Variants in TEX36 observed in about 807,000 individuals in gnomAD.
The protein encoded by TEX36 is testis-expressed protein 36.
A neutral mutation model predicts 13.6 loss-of-function variants in TEX36; 12 were observed. That is an observed-to-expected ratio of 0.88 (90% CI 0.56 to 1.43). TEX36 has a LOEUF of 1.43. Ranked by LOEUF, TEX36 falls within the 40% of genes most tolerant of loss-of-function variation. The pLI is 0.00. For missense variants in TEX36, 224 were observed against 228.3 expected (o/e 0.98, Z 0.12); for synonymous variants, 93 against 83.0 (o/e 1.12, Z -0.65).
At chr10:125,576,562 C>T (rs1333472650) in exon 4 of TEX36, 1 of 786,204 alleles carries the variant, frequency 1.3e-6, no homozygotes, top group African/African-American at 1.7e-5. Context: ...TACCTGCGCC[C>T]ACACAGGCAA....
chr10:125,617,133 T>G (rs1846370911), downstream of TEX36, among the ~76,000 whole-genome samples: 1 of 151,762 alleles, frequency 6.6e-6, no homozygotes, highest in Non-Finnish European at 1.5e-5. Context: ...GTTTTCCATT[T>G]GCTTGGTAGA....
chr10:125,664,990 T>C (rs9422920), intron 1 of TEX36, among the ~76,000 whole-genome samples: 2,630 of 152,328 alleles, frequency 0.017, 73 homozygotes, highest in African/African-American at 0.059. Context: ...CCTTTCCATA[T>C]ACCTGTTTGC....
intron 3 of TEX36, among the ~76,000 whole-genome samples, chr10:125,582,081 G>A (rs145971609): frequency 8.1e-4 from 124 of 152,316 alleles, no homozygotes; most frequent in Middle Eastern, 3.4e-3. Context: ...TGGAGGAAGC[G>A]AATCTGAGTG....
chr10:125,616,336 G>A (rs1209528245), intron 3 of TEX36, among the ~76,000 whole-genome samples: 113 of 148,412 alleles, frequency 7.6e-4, no homozygotes, highest in Non-Finnish European at 1.3e-3. Flanking sequence ...GCTTTTGAAT[G>A]TGTTTGCTCT....
At chr10:125,632,897 G>A (rs147832255) in intron 3 of TEX36, among the ~76,000 whole-genome samples, 50 of 152,294 alleles carry the variant, frequency 3.3e-4, no homozygotes, top group African/African-American at 1.0e-3. Context: ...GCCAAGGCAG[G>A]TGGATCATTT....
downstream of TEX36, among the ~76,000 whole-genome samples, chr10:125,651,660 G>C (rs965201845): frequency 2.0e-5 from 3 of 151,494 alleles, no homozygotes; most frequent in Non-Finnish European, 4.4e-5. Context: ...AATCGGGCAG[G>C]AGAAAGACAT....
At chr10:125,601,070 G>A (rs1589749061) in intron 3 of TEX36, among the ~76,000 whole-genome samples, 1 of 152,198 alleles carries the variant, frequency 6.6e-6, no homozygotes, top group Non-Finnish European at 1.5e-5. Flanking sequence ...TTGCTCTCTG[G>A]TTGAAATAGA....
chr10:125,679,139 C>A (rs1028729500), intron 1 of TEX36, among the ~76,000 whole-genome samples: 10 of 127,012 alleles, frequency 7.9e-5, no homozygotes, highest in Non-Finnish European at 1.3e-4. Flanking sequence ...TACAGGAGCA[C>A]CCCCCCCGCC....
intron 3 of TEX36, among the ~76,000 whole-genome samples, chr10:125,598,241 G>A (rs1047198289): frequency 1.3e-5 from 2 of 152,196 alleles, no homozygotes; most frequent in African/African-American, 2.4e-5. Context: ...ATGCACATTT[G>A]TTGAGGTCGT....
At chr10:125,667,478 G>T in intron 1 of TEX36, 1 of 721,520 alleles carries the variant, frequency 1.4e-6, no homozygotes, top group Non-Finnish European at 2.6e-6. Context: ...GGCTGAGGGG[G>T]TGTGTTCCCC....
intron 3 of TEX36, among the ~76,000 whole-genome samples, chr10:125,639,833 G>A (rs991546910): frequency 2.6e-5 from 4 of 152,338 alleles, no homozygotes; most frequent in Non-Finnish European, 4.4e-5. Flanking sequence ...GATTTCTCCT[G>A]TGAGATTATG....
chr10:125,598,246 G>T (rs1432516843), intron 3 of TEX36, among the ~76,000 whole-genome samples: 1 of 152,200 alleles, frequency 6.6e-6, no homozygotes, highest in Non-Finnish European at 1.5e-5. Flanking sequence ...CATTTGTTGA[G>T]GTCGTAGTCT....
downstream of TEX36, among the ~76,000 whole-genome samples, chr10:125,618,545 T>A (rs574411476): frequency 6.6e-6 from 1 of 152,018 alleles, no homozygotes; most frequent in Admixed American, 6.6e-5. Flanking sequence ...AGTACCCGGC[T>A]GTGTGAGGTG....
At chr10:125,612,515 A>T (rs1846303483) in intron 3 of TEX36, among the ~76,000 whole-genome samples, 1 of 152,146 alleles carries the variant, frequency 6.6e-6, no homozygotes, top group Non-Finnish European at 1.5e-5. Context: ...ACATATTTAC[A>T]TATGTATGTA....
intron 1 of TEX36, among the ~76,000 whole-genome samples, chr10:125,675,193 C>T (rs1847292708): frequency 6.6e-6 from 1 of 152,206 alleles, no homozygotes; most frequent in African/African-American, 2.4e-5. Context: ...GGCAGTCTGG[C>T]CACGATCTGC....
intron 3 of TEX36, among the ~76,000 whole-genome samples, chr10:125,631,508 A>T (rs985403135): frequency 9.2e-5 from 14 of 152,310 alleles, no homozygotes; most frequent in Admixed American, 2.6e-4. Context: ...GGCAGGAATG[A>T]TCAACTATAG....
chr10:125,608,277 GATGA>G (rs368350092), intron 3 of TEX36, among the ~76,000 whole-genome samples: 39,344 of 131,412 alleles, frequency 0.3, 6,331 homozygotes, highest in African/African-American at 0.58. Flanking sequence ...TATAGATTGT[GATGA>G]TGGTGATGAT....
At chr10:125,652,694 C>A (rs1435810804), downstream of TEX36, among the ~76,000 whole-genome samples, 1 of 152,162 alleles carries the variant, frequency 6.6e-6, no homozygotes, top group African/African-American at 2.4e-5. Flanking sequence ...TCAGAGTGAA[C>A]AGGCAACCTA....
At chr10:125,636,434 T>A (rs1846625090) in intron 3 of TEX36, among the ~76,000 whole-genome samples, 1 of 150,312 alleles carries the variant, frequency 6.7e-6, no homozygotes, top group Admixed American at 6.6e-5. Context: ...CAGGATGGTC[T>A]CGATCTCCTG....
Sources: gnomAD v4.1 joint callset for allele counts (sites outside exome capture counted in the v4.1 genomes callset) on GRCh38, gnomAD v4.1.1 for gene constraint, MANE v1.5 for transcripts, NCBI Gene and HGNC (gene_info 2026-07-23, HGNC 2026-07-21) for gene names.